The following LAMA2 variants were observed in gnomAD, a reference collection of about 807,000 sequenced individuals.
LAMA2 encodes the protein laminin subunit alpha 2, also known as laminin subunit alpha-2.
In LAMA2, 269 loss-of-function variants were observed where a neutral mutation model predicts 364.8. The observed-to-expected ratio is 0.74, with a 90% CI of 0.67 to 0.82. The LOEUF is 0.82. Ranked by LOEUF, LAMA2 falls within the 40% of genes least tolerant of loss-of-function variation. The pLI is 0.00. For missense variants in LAMA2, 3,807 were observed against 3,873.2 expected, an observed-to-expected ratio of 0.98 and a Z score of 0.45; for synonymous variants, 1,379 against 1,370.6, an observed-to-expected ratio of 1.01 and a Z score of -0.14.
intron 4 of LAMA2, among the ~76,000 whole-genome samples, chr6:129,117,512 T>A (rs1449358982): frequency 1.3e-5 from 2 of 152,180 alleles, no homozygotes. Context: ...TTAAATTACT[T>A]GACAGGAACT....
chr6:129,450,157 G>A (rs867933662), intron 45 of LAMA2, among the ~76,000 whole-genome samples: 6 of 142,130 alleles, frequency 4.2e-5, no homozygotes, highest in Non-Finnish European at 7.7e-5. Context: ...ATGGAATCCC[G>A]TTTTTTTTTT....
chr6:129,434,698 T>C (rs768086154), intron 41 of LAMA2, among the ~76,000 whole-genome samples: 10 of 152,178 alleles, frequency 6.6e-5, no homozygotes, highest in Non-Finnish European at 8.8e-5. Flanking sequence ...GGATACACTA[T>C]GCCTCCTCTG....
rs1271055496 is a variant in LAMA2, at chr6:129,503,232, C to A, written c.8499C>A (p.Asp2833Glu). ...TCAGCTATGACTTGGGGAGTGGGGA[C>A]ACCCACACCATGATCCCCACCAAAA... Reference protein sequence around the residue: ...PYFSYDLGSGDTHTMIPTKIN... With the variant: ...PYFSYDLGSGETHTMIPTKIN... Residue 2833 changes from aspartate (D) to glutamate (E), a missense_variant, in exon 60 of 65, where the codon GAC becomes GAA. Transcript: ENST00000421865. 3 of 1,614,004 alleles carry A rather than the reference C, an allele frequency of 1.9e-6. No individual in the cohort carries two copies. The highest frequency in any genetic ancestry group is 8.5e-7 in the Non-Finnish European group (1 of 1,179,932).
chr6:129,053,943 G>A (rs1488688377), intron 2 of LAMA2, among the ~76,000 whole-genome samples: 2 of 152,214 alleles, frequency 1.3e-5, no homozygotes, highest in Non-Finnish European at 2.9e-5. Context: ...GGAAGTTGAA[G>A]ACCAAGTGGT....
At chr6:129,390,550 G>A (rs1289260095) in intron 35 of LAMA2, among the ~76,000 whole-genome samples, 1 of 151,634 alleles carries the variant, frequency 6.6e-6, no homozygotes, top group Non-Finnish European at 1.5e-5. Context: ...CTCATTCTAG[G>A]AGTTTTCAAA....
chr6:129,367,514 T>TTA (rs2114622723), intron 33 of LAMA2, among the ~76,000 whole-genome samples: 1 of 152,348 alleles, frequency 6.6e-6, no homozygotes, highest in Admixed American at 6.5e-5. Context: ...GAATGTACCA[T>TTA]TACTGAGAGT....
Position 129,315,803 on chromosome 6 carries a change from C to T in LAMA2, c.3777C>T (p.Phe1259=), listed in dbSNP as rs774723745. Residue 1259 remains phenylalanine, a synonymous_variant, in exon 26 of 65, where the codon TTC becomes TTT. Coordinates refer to ENST00000421865, the MANE Select transcript of LAMA2 (RefSeq NM_000426.4). ...GCAAACTCAAGTATGCAATCTATTT[C>T]GAGGCTCGGGAAGAAACAGGTTTCT... is the stretch of plus-strand genomic sequence containing the variant. ...YGGKLKYAIY[F]EAREETGFST... is the part of the protein sequence containing the mutation. 26 of 1,613,924 alleles carry T rather than the reference C, an allele frequency of 1.6e-5. No individual in the cohort carries two copies. The highest frequency in any genetic ancestry group is 2.2e-5 in the South Asian group (2 of 91,080).
Position 129,192,869 on chromosome 6 carries a change from C to T in LAMA2, c.1782+16C>T, listed in dbSNP as rs748731662. On this transcript the variant is annotated intron_variant, in intron 12 of 64. Transcript: ENST00000421865. ...GGGAAACAAAGTAAGTCCACGCTTGCTTCCCGCTATTCTGCTTTAACTGAC... is the reference window on the plus strand; with the variant it reads ...GGGAAACAAAGTAAGTCCACGCTTGTTTCCCGCTATTCTGCTTTAACTGAC... The T allele has an allele frequency of 6.2e-7, 1 of 1,611,662 alleles. No homozygotes were observed. Among genetic ancestry groups the T allele is most frequent in the South Asian group, 1.1e-5 (1 of 90,818 alleles).
intron 1 of LAMA2, among the ~76,000 whole-genome samples, chr6:128,954,636 T>C (rs561797390): frequency 6.6e-6 from 1 of 152,142 alleles, no homozygotes. Context: ...TGACCTGTCA[T>C]ATGGGATAAA....
intron 37 of LAMA2, among the ~76,000 whole-genome samples, chr6:129,396,076 T>C (rs1779599168): frequency 6.6e-6 from 1 of 152,202 alleles, no homozygotes. Context: ...TAAAATAAAA[T>C]GTTGCAGAAT....
chr6:129,501,550 A>C (rs1222637315), intron 58 of LAMA2, among the ~76,000 whole-genome samples: 1 of 152,190 alleles, frequency 6.6e-6, no homozygotes, highest in East Asian at 1.9e-4. Flanking sequence ...TGTGCTGATG[A>C]GTCATCTCTG....
At chr6:129,237,178 A>G (rs1785051223) in intron 12 of LAMA2, among the ~76,000 whole-genome samples, 1 of 152,234 alleles carries the variant, frequency 6.6e-6, no homozygotes, top group African/African-American at 2.4e-5. Flanking sequence ...ATCCAAAGCC[A>G]CATTGTAGAG....
chr6:129,330,591 G>GTTTTTTTTTTTTTTTTTTTTTTTTTT (rs1491387157), intron 29 of LAMA2, among the ~76,000 whole-genome samples: 1 of 83,786 alleles, frequency 1.2e-5, no homozygotes. Flanking sequence ...GTTGTTGTTT[G>GTTTTTTTTTTTTTTTTTTTTTTTTTT]GTTTTTGTTT....
chr6:129,189,192 G>A (rs1470854494), intron 10 of LAMA2, among the ~76,000 whole-genome samples: 2 of 151,936 alleles, frequency 1.3e-5, no homozygotes, highest in African/African-American at 4.8e-5. Context: ...AATGTATACA[G>A]GGCCACGAAA....
intron 12 of LAMA2, among the ~76,000 whole-genome samples, chr6:129,247,270 C>A (rs1051894281): frequency 7.2e-5 from 11 of 151,794 alleles, no homozygotes; most frequent in African/African-American, 2.7e-4. Flanking sequence ...GCCAACATGG[C>A]GAAATCCCAT....
chr6:129,237,545 A>C (rs1019341881), intron 12 of LAMA2, among the ~76,000 whole-genome samples: 2 of 152,016 alleles, frequency 1.3e-5, no homozygotes, highest in Non-Finnish European at 2.9e-5. Flanking sequence ...CATCTTGGCC[A>C]GGCTGGTCTT....
chr6:129,173,144 C>T (rs966479192), intron 9 of LAMA2, among the ~76,000 whole-genome samples: 1 of 152,222 alleles, frequency 6.6e-6, no homozygotes, highest in Non-Finnish European at 1.5e-5. Flanking sequence ...GCGTCGCTCA[C>T]GCTGGGAGCT....
In LAMA2 at chr6:129,316,051, A is replaced by G. The variant is rs1408152184; in HGVS notation, c.3938A>G (p.Tyr1313Cys). ...TCTTGTTAACAGAAAGAATGGAAAT[A>G]TTATGGGGATGATCCTCGAGTCCAT... ...EIEMTEKEWK[Y>C]YGDDPRVHRT... The change falls in exon 27 of 65, where the codon TAT (tyrosine) becomes TGT (cysteine). Residue 1313 changes from tyrosine to cysteine, a missense_variant. Around this residue, in one of 3 missense-constraint regions of LAMA2, gnomAD observed 3,333 missense variants for 3,345.7 expected, o/e 1.00. Transcript: ENST00000421865. The G allele has an allele frequency of 2.5e-6, 4 of 1,613,938 alleles. No homozygotes were observed. In the African/African-American group the frequency reaches 5.3e-5, roughly 22 times the overall value.
In LAMA2 at chr6:129,460,218, G is replaced by C; in HGVS notation, c.6886G>C (p.Val2296Leu). ...GKLKKADAVR[V>L]ITFTGCMGET... ...TCTGCAGAAGGCTGATGCTGTACGTGTGATTACATTCACTGGCTGCATGGG... is the reference window on the plus strand; with the variant it reads ...TCTGCAGAAGGCTGATGCTGTACGTCTGATTACATTCACTGGCTGCATGGG... Residue 2296 changes from valine to leucine, a missense_variant, in exon 49 of 65, where the codon GTG becomes CTG. Around this residue, in one of 3 missense-constraint regions of LAMA2, gnomAD observed 3,333 missense variants for 3,345.7 expected, o/e 1.00. Transcript: ENST00000421865. The C allele has an allele frequency of 1.9e-6, 3 of 1,612,074 alleles. No homozygotes were observed. The highest frequency in any genetic ancestry group is 2.5e-6 in the Non-Finnish European group (3 of 1,178,544).
Sources: gnomAD v4.1 joint callset for allele counts (sites outside exome capture counted in the v4.1 genomes callset) on GRCh38, gnomAD v4.1.1 for gene constraint, gnomAD v4.1.1 regional missense constraint, MANE v1.5 for transcripts, NCBI Gene and HGNC (gene_info 2026-07-23, HGNC 2026-07-21) for gene names.